The following ENAH variants were observed in gnomAD, a reference collection of about 807,000 sequenced individuals.
ENAH encodes the protein protein enabled homolog.
Under a neutral mutation model 78.7 loss-of-function variants are expected in ENAH, and 23 were observed. That is an observed-to-expected ratio of 0.29 (90% CI 0.21 to 0.41). ENAH has a LOEUF of 0.41. ENAH is among the 10% of genes least tolerant of loss of function. The pLI is 1.00. For synonymous variants in ENAH, 226 were observed against 241.0 expected (o/e 0.94, Z 0.58); for missense variants, 544 against 691.0 (o/e 0.79, Z 2.39).
chr1:225,629,602 A>T (rs983287168), intron 1 of ENAH, among the ~76,000 whole-genome samples: 1 of 151,936 alleles, frequency 6.6e-6, no homozygotes, highest in Non-Finnish European at 1.5e-5. Context: ...AAAAAAAAAA[A>T]GTAGAAGGTG....
intron 4 of ENAH, 116 bp downstream of exon 4, chr1:225,530,438 A>G: frequency 1.3e-6 from 1 of 764,594 alleles, no homozygotes; most frequent in Admixed American, 2.2e-5. Flanking sequence ...TAATGTAAGA[A>G]TAAAAGTTGT....
chr1:225,564,613 T>A (rs1204644173), intron 2 of ENAH, among the ~76,000 whole-genome samples: 1 of 151,646 alleles, frequency 6.6e-6, no homozygotes, highest in Non-Finnish European at 1.5e-5. Context: ...TTTTAAAAAA[T>A]AGTTTTGTAG....
chr1:225,512,784 G>C (rs2096387595), intron 8 of ENAH, 70 bp from the exon 9 acceptor site: 1 of 1,604,064 alleles, frequency 6.2e-7, no homozygotes, highest in African/African-American at 1.3e-5. Context: ...TCTCTACGAG[G>C]AAAGAAGTGC....
intron 1 of ENAH, among the ~76,000 whole-genome samples, chr1:225,571,265 C>T (rs969761846): frequency 1.3e-5 from 2 of 151,828 alleles, no homozygotes; most frequent in Non-Finnish European, 1.5e-5. Flanking sequence ...CCCAGCTACT[C>T]GAGTGGCTGA....
At chr1:225,628,837 C>T (rs1658425966) in intron 1 of ENAH, among the ~76,000 whole-genome samples, 2 of 146,438 alleles carry the variant, frequency 1.4e-5, no homozygotes, top group Non-Finnish European at 3.0e-5. Context: ...ACCTGGGAGG[C>T]GGAGGTTGTG....
intron 3 of ENAH, among the ~76,000 whole-genome samples, chr1:225,540,862 T>C (rs1352224363): frequency 2.0e-5 from 3 of 152,192 alleles, no homozygotes; most frequent in African/African-American, 2.4e-5. Context: ...CCTAGATACA[T>C]AAATACATGT....
At chr1:225,577,006 G>A (rs2096791472) in intron 1 of ENAH, among the ~76,000 whole-genome samples, 1 of 151,982 alleles carries the variant, frequency 6.6e-6, no homozygotes, top group African/African-American at 2.4e-5. Flanking sequence ...AGGGTGGCAG[G>A]CACGTGTAGT....
In ENAH at chr1:225,521,131, G is replaced by A. The variant is rs1409884331; in HGVS notation, c.435-1566C>T. ...TTTCCATGAGTGCATAATAATATTC[G>A]ATTATTTTGCTGTCCACAGTCTAAG... is the stretch of plus-strand genomic sequence containing the variant. On this transcript the variant is annotated intron_variant, in intron 4 of 13. Coordinates refer to ENST00000366843, the MANE Select transcript of ENAH (RefSeq NM_018212.6). Among the ~76,000 whole-genome samples the A allele has an allele frequency of 3.3e-5, 5 of 151,986 alleles. No individual in the cohort carries two copies. The East Asian group carries it at 7.7e-4, about 23-fold the overall frequency.
At chr1:225,640,892 A>G (rs1420317268) in intron 1 of ENAH, among the ~76,000 whole-genome samples, 1 of 144,778 alleles carries the variant, frequency 6.9e-6, no homozygotes, top group Admixed American at 6.9e-5. Flanking sequence ...ACAAGTACAT[A>G]CTTTTTTTTT....
chr1:225,653,658 C>T (rs533661475), upstream of ENAH, among the ~76,000 whole-genome samples: 11 of 152,156 alleles, frequency 7.2e-5, no homozygotes, highest in South Asian at 2.1e-3. This position sits in a 1 kb window ranked among gnomAD's most constrained non-coding sequence, Gnocchi z 4.3. Context: ...CCAGGAGACT[C>T]CGGGTCGGCT....
intron 1 of ENAH, among the ~76,000 whole-genome samples, chr1:225,626,082 G>A (rs1266144846): frequency 1.3e-5 from 2 of 152,038 alleles, no homozygotes; most frequent in Non-Finnish European, 2.9e-5. Context: ...GGAATAATGG[G>A]AATCTAGAAA....
At chr1:225,653,759 C>A (rs1663487968), upstream of ENAH, among the ~76,000 whole-genome samples, 1 of 152,228 alleles carries the variant, frequency 6.6e-6, no homozygotes, top group African/African-American at 2.4e-5. This position sits in a 1 kb window ranked among gnomAD's most constrained non-coding sequence, Gnocchi z 4.3. Context: ...GCATCCCGGT[C>A]AGCCCAACTG....
chr1:225,580,903 GA>G (rs2096813379), intron 1 of ENAH, among the ~76,000 whole-genome samples: 2 of 29,668 alleles, frequency 6.7e-5, no homozygotes, highest in African/African-American at 2.7e-4. Flanking sequence ...TCTGTCTCAA[GA>G]AAAAAACCAA....
At chr1:225,640,475 A>C (rs1329888859) in intron 1 of ENAH, among the ~76,000 whole-genome samples, 1 of 152,234 alleles carries the variant, frequency 6.6e-6, no homozygotes, top group African/African-American at 2.4e-5. Context: ...CACAAGGAAA[A>C]ATAAATTACT....
chr1:225,640,176 T>C (rs766209419), intron 1 of ENAH, among the ~76,000 whole-genome samples: 33 of 152,172 alleles, frequency 2.2e-4, no homozygotes, highest in Non-Finnish European at 4.4e-4. Flanking sequence ...ACATGGATAG[T>C]TTCATGTGAT....
At chr1:225,548,998 C>T (rs751314842) in intron 3 of ENAH, among the ~76,000 whole-genome samples, 3 of 151,858 alleles carry the variant, frequency 2.0e-5, no homozygotes, top group Non-Finnish European at 2.9e-5. Context: ...TACAGGTGCC[C>T]GCCACCACGC....
At chr1:225,556,918 A>G (rs2096669849) in intron 2 of ENAH, among the ~76,000 whole-genome samples, 1 of 152,210 alleles carries the variant, frequency 6.6e-6, no homozygotes, top group Non-Finnish European at 1.5e-5. Flanking sequence ...CAAATGATCC[A>G]GCACTATCAC....
intron 1 of ENAH, among the ~76,000 whole-genome samples, chr1:225,610,474 G>A (rs1202517467): frequency 6.6e-6 from 1 of 152,046 alleles, no homozygotes; most frequent in African/African-American, 2.4e-5. Context: ...CATTTGGTAA[G>A]AAAAGAACGA....
chr1:225,604,554 C>T (rs902275328), intron 1 of ENAH, among the ~76,000 whole-genome samples: 3 of 148,480 alleles, frequency 2.0e-5, no homozygotes, highest in African/African-American at 7.5e-5. Context: ...GAGGCCGAGG[C>T]GGGCAGATCA....
Sources: gnomAD v4.1 joint callset for allele counts (sites outside exome capture counted in the v4.1 genomes callset) on GRCh38, gnomAD v4.1.1 for gene constraint, Gnocchi (gnomAD v3.1) non-coding constraint, MANE v1.5 for transcripts, NCBI Gene and HGNC (gene_info 2026-07-23, HGNC 2026-07-21) for gene names.